CCDC28A: variants seen among roughly 807,000 people sequenced by gnomAD.
CCDC28A encodes the protein coiled-coil domain-containing protein 28A.
A neutral mutation model predicts 22.1 loss-of-function variants in CCDC28A; 24 were observed. The ratio of observed to expected loss-of-function variants is 1.09; its 90% CI spans 0.79 to 1.53. The LOEUF (loss-of-function observed/expected upper bound fraction) is 1.53. CCDC28A is among the 40% of genes most tolerant of loss of function. The pLI, the probability that CCDC28A is intolerant of heterozygous loss-of-function variation, is 0.00. For synonymous variants in CCDC28A, 83 were observed against 74.7 expected (o/e 1.11, Z -0.57); for missense variants, 170 against 210.7 (o/e 0.81, Z 1.20).
chr6:138,788,236 T>TCCCA, intron 4 of CCDC28A, 130 bp from the exon 5 acceptor site: 1 of 389,612 alleles, frequency 2.6e-6, no homozygotes, highest in Non-Finnish European at 4.6e-6. Flanking sequence ...GCCAGGATTA[T>TCCCA]AAGCACGGGT....
intron 1 of CCDC28A, 82 bp downstream of exon 1, chr6:138,773,984 C>T: frequency 5.3e-6 from 8 of 1,513,560 alleles, no homozygotes; most frequent in Non-Finnish European, 7.2e-6. Context: ...GGGTACTGGG[C>T]GGTGAAGGGT....
intron 4 of CCDC28A, among the ~76,000 whole-genome samples, chr6:138,788,127 A>G (rs1430062737): frequency 6.7e-6 from 1 of 150,172 alleles, no homozygotes; most frequent in East Asian, 2.0e-4. Context: ...CGCCTGTCTA[A>G]TTTTTTTATT....
At chr6:138,775,898 T>C (rs986125505) in intron 1 of CCDC28A, among the ~76,000 whole-genome samples, 181 bp from the exon 2 acceptor site, 1 of 152,144 alleles carries the variant, frequency 6.6e-6, no homozygotes, top group African/African-American at 2.4e-5. Flanking sequence ...ACCAGACAAT[T>C]TTGCTAGGGG....
chr6:138,783,578 C>T (rs962317529), intron 3 of CCDC28A, among the ~76,000 whole-genome samples: 2 of 151,954 alleles, frequency 1.3e-5, no homozygotes, highest in Admixed American at 6.6e-5. Flanking sequence ...GCTGGGACTA[C>T]AGGCGCCCAC....
intron 5 of CCDC28A, among the ~76,000 whole-genome samples, chr6:138,790,033 G>A (rs1158830397): frequency 1.3e-5 from 2 of 152,196 alleles, no homozygotes; most frequent in Non-Finnish European, 2.9e-5. Flanking sequence ...AAAGAAGGGG[G>A]TAAGACTTGA....
intron 3 of CCDC28A, among the ~76,000 whole-genome samples, chr6:138,784,518 T>C (rs1487646770): frequency 6.6e-6 from 1 of 151,782 alleles, no homozygotes; most frequent in Non-Finnish European, 1.5e-5. Context: ...GCCTAGTTAA[T>C]GCGTGTTTTT....
At chr6:138,790,560 A>G (rs1016399995) in intron 5 of CCDC28A, among the ~76,000 whole-genome samples, 3 of 152,196 alleles carry the variant, frequency 2.0e-5, no homozygotes, top group Non-Finnish European at 4.4e-5. Context: ...TAGCAGCATA[A>G]TACCCTATAT....
In CCDC28A at chr6:138,792,349, C is replaced by T. The variant is rs531352813; in HGVS notation, c.501-400C>T. 2.2e-4 allele frequency among the ~76,000 whole-genome samples: 33 copies of T among 152,084 alleles called. 1 individual carries two copies. The South Asian group carries it at 5.6e-3, about 26-fold the overall frequency. On this transcript the variant is annotated intron_variant, in intron 5 of 5. Transcript: ENST00000617445. Reference sequence around the variant, plus strand: ...TTCAAGACCAGCCTGGGCAACATAGCCAGACTCCTCCCCCATCTCTAACAA... The same window carrying T: ...TTCAAGACCAGCCTGGGCAACATAGTCAGACTCCTCCCCCATCTCTAACAA...
intron 2 of CCDC28A, among the ~76,000 whole-genome samples, chr6:138,776,724 G>T (rs1774939690): frequency 6.6e-6 from 1 of 151,202 alleles, no homozygotes; most frequent in African/African-American, 2.4e-5. Context: ...TCACTGTGTT[G>T]CCCAGGCCGG....
chr6:138,786,473 A>G (rs1326195225), intron 4 of CCDC28A, among the ~76,000 whole-genome samples: 1 of 152,246 alleles, frequency 6.6e-6, no homozygotes, highest in Non-Finnish European at 1.5e-5. Flanking sequence ...TTGACAAAAA[A>G]GGGTTAATTT....
At chr6:138,782,742 G>C (rs1775038545) in intron 3 of CCDC28A, among the ~76,000 whole-genome samples, 1 of 152,106 alleles carries the variant, frequency 6.6e-6, no homozygotes, top group South Asian at 2.1e-4. Flanking sequence ...TGTGAAGAAA[G>C]GACGATTTTG....
intron 1 of CCDC28A, among the ~76,000 whole-genome samples, chr6:138,775,047 G>C (rs1328150049): frequency 6.6e-6 from 1 of 152,150 alleles, no homozygotes; most frequent in Non-Finnish European, 1.5e-5. Flanking sequence ...TCATGCCATT[G>C]TCCTGCCTCA....
intron 3 of CCDC28A, among the ~76,000 whole-genome samples, chr6:138,781,978 T>G (rs1775028755): frequency 6.6e-6 from 1 of 152,252 alleles, no homozygotes; most frequent in Admixed American, 6.5e-5. Context: ...AGCAGATTAT[T>G]TATTTCACAA....
intron 5 of CCDC28A, among the ~76,000 whole-genome samples, chr6:138,788,785 GA>G: frequency 6.6e-6 from 1 of 151,968 alleles, no homozygotes; most frequent in Admixed American, 6.6e-5. Context: ...TTTCTATGCT[GA>G]AATTTTGTTT....
At chr6:138,777,421 T>C (rs950170855) in intron 2 of CCDC28A, among the ~76,000 whole-genome samples, 3 of 152,232 alleles carry the variant, frequency 2.0e-5, no homozygotes, top group Non-Finnish European at 2.9e-5. Flanking sequence ...TAGGGTCAGA[T>C]TTTGAATAAG....
intron 2 of CCDC28A, among the ~76,000 whole-genome samples, chr6:138,778,178 A>G (rs150745733): frequency 0.017 from 2,580 of 152,186 alleles, 61 homozygotes; most frequent in African/African-American, 0.054. Context: ...CCCTGGGCAT[A>G]TATATACCCT....
At chr6:138,782,878 G>T (rs986277634) in intron 3 of CCDC28A, among the ~76,000 whole-genome samples, 41 of 152,054 alleles carry the variant, frequency 2.7e-4, no homozygotes, top group African/African-American at 9.2e-4. Context: ...ATTTATTTAG[G>T]ATATGTACTT....
In CCDC28A at chr6:138,776,131, G is replaced by A. The variant is rs207467466; in HGVS notation, c.11G>A (p.Arg4Gln). 10 of 1,614,002 alleles carry A rather than the reference G, an allele frequency of 6.2e-6. No individual in the cohort carries two copies. Among genetic ancestry groups the A allele is most frequent in the African/African-American group, 2.7e-5 (2 of 74,894 alleles). The change falls in exon 2 of 6, where the codon CGG becomes CAG. Residue 4 changes from arginine to glutamine, a missense_variant. Arg to Gln is a conservative substitution (Grantham distance 43, BLOSUM62 1). Coordinates refer to ENST00000617445, the MANE Select transcript of CCDC28A (RefSeq NM_015439.3). MEE[R>Q]KVKRRSPKSF... ...AAGGAACTTAAAACAATGGAAGAGCGGAAAGTGAAGAGGAGGAGTCCTAAG... is the reference window on the plus strand; with the variant it reads ...AAGGAACTTAAAACAATGGAAGAGCAGAAAGTGAAGAGGAGGAGTCCTAAG...
chr6:138,774,796 CA>C lies in CCDC28A; in HGVS notation c.-43+899del, dbSNP rs1252358177. Reference sequence around the variant, plus strand: ...CATGCCTAAATTAAACACAGCATGCCAAAAACGGCCTAATGTTTCTAGAAGG... The same window carrying C: ...CATGCCTAAATTAAACACAGCATGCCAAAACGGCCTAATGTTTCTAGAAGG... On this transcript the variant is annotated intron_variant, in intron 1 of 5. Coordinates refer to ENST00000617445, the MANE Select transcript of CCDC28A (RefSeq NM_015439.3). 2.0e-5 allele frequency among the ~76,000 whole-genome samples: 3 copies of C among 152,280 alleles called. No individual in the cohort carries two copies. The East Asian group carries it at 5.8e-4, about 29-fold the overall frequency.
Sources: allele counts gnomAD v4.1 joint callset (sites outside exome capture counted in the v4.1 genomes callset), GRCh38; gene constraint gnomAD v4.1.1; transcripts MANE v1.5; gene names NCBI Gene and HGNC (gene_info 2026-07-23, HGNC 2026-07-21).